Variants in CSPG4 observed in about 807,000 individuals in gnomAD.
CSPG4 encodes chondroitin sulfate proteoglycan 4.
CSPG4 carries 74 observed loss-of-function variants against 139.3 expected under a neutral mutation model. The ratio of observed to expected loss-of-function variants is 0.53; its 90% CI spans 0.44 to 0.64. CSPG4 has a LOEUF of 0.64. Ranked by LOEUF, CSPG4 falls within the 30% of genes least tolerant of loss-of-function variation. The pLI is 0.00. For synonymous variants in CSPG4, 1,234 were observed against 1,394.2 expected, an observed-to-expected ratio of 0.89 and a Z score of 2.56; for missense variants, 2,565 against 3,148.3, an observed-to-expected ratio of 0.81 and a Z score of 4.43.
Position 75,693,055 on chromosome 15 carries a change from G to A in CSPG4, c.252+15C>T. On this transcript the variant is annotated intron_variant, in intron 2 of 9. Transcript: ENST00000308508. ...ACCCCGAATCCCGCCCAGATCTCAG[G>A]GGGACGTCACTCACCTGCAGGCGTC... 7.7e-7 allele frequency: 1 copy of A among 1,306,906 alleles called. No homozygotes were observed. The allele number at this position is 1,306,906 out of a possible 1,614,324, so 81.0% of individuals were successfully genotyped here. A position where few individuals can be genotyped will look rare whatever the true frequency, so the allele number is the denominator to read the frequency against.
At position 75,677,172 on chromosome 15, in the gene CSPG4, G is replaced by A; in HGVS notation, c.5347C>T (p.Gln1783Ter). 1 of 1,434,136 alleles carries A rather than the reference G, an allele frequency of 7.0e-7. No individual in the cohort carries two copies. Among genetic ancestry groups the A allele is most frequent in the Non-Finnish European group, 9.2e-7 (1 of 1,091,232 alleles). The allele number at this position is 1,434,136 out of a possible 1,614,324, so 88.8% of individuals were successfully genotyped here. A position where few individuals can be genotyped will look rare whatever the true frequency, so the allele number is the denominator to read the frequency against. ...HFLQSQLAAG[Q>*]LVYAHGGGGT... ...CCACCGCCGTGGGCATACACTAGCT[G>A]CCCTGCAGCCAGCTGGGACTGCAGG... The change falls in exon 10 of 10, where the codon CAG (glutamine) becomes TAG (stop). Residue 1783 changes from glutamine to a stop codon, truncating the protein, a stop_gained. Coordinates refer to ENST00000308508, the MANE Select transcript of CSPG4 (RefSeq NM_001897.5). LOFTEE classifies it low-confidence loss of function (END_TRUNC).
Position 75,688,685 on chromosome 15 carries a change from T to C in CSPG4, c.2380A>G (p.Thr794Ala), listed in dbSNP as rs763549631. The change falls in exon 3 of 10, where the codon ACT becomes GCT. Residue 794 changes from threonine (T) to alanine (A), a missense_variant. Thr to Ala is a moderately conservative substitution (Grantham distance 58). This residue lies in a region of CSPG4 where 2,316 missense variants were observed against 2,818.2 expected (regional missense o/e 0.82). Transcript: ENST00000308508. Reference sequence around the variant, plus strand: ...AGGGTCTCCTGCTGGGTGTTCTGAGTGTGCAGTGGCTCCAGCCGCAGCATC... The same window carrying C: ...AGGGTCTCCTGCTGGGTGTTCTGAGCGTGCAGTGGCTCCAGCCGCAGCATC... Reference protein sequence around the residue: ...VWMLRLEPLHTQNTQQETLTT... With the variant: ...VWMLRLEPLHAQNTQQETLTT... 4.3e-6 allele frequency: 7 copies of C among 1,611,118 alleles called. No homozygotes were observed. The highest frequency in any genetic ancestry group is 4.5e-5 in the East Asian group (2 of 44,854).
At position 75,689,425 on chromosome 15, in the gene CSPG4, T is replaced by C; in HGVS notation, c.1640A>G (p.Asn547Ser). Reference protein sequence around the residue: ...GQTYLLPIQVNPVNDPPHIIF... With the variant: ...GQTYLLPIQVSPVNDPPHIIF... ...GATGTGGGGTGGGTCATTGACAGGG[T>C]TGACCTGGATGGGCAGGAGGTATGT... is the stretch of plus-strand genomic sequence containing the variant. The change falls in exon 3 of 10, where the codon AAC (asparagine) becomes AGC (serine). Residue 547 changes from asparagine to serine, a missense_variant. Physicochemically the swap from Asn to Ser is conservative, Grantham distance 46. Around this residue, in one of 5 missense-constraint regions of CSPG4, gnomAD observed 2,316 missense variants for 2,818.2 expected, o/e 0.82. Coordinates refer to ENST00000308508, the MANE Select transcript of CSPG4 (RefSeq NM_001897.5). The C allele has an allele frequency of 1.2e-6, 2 of 1,612,632 alleles. No individual in the cohort carries two copies. Among genetic ancestry groups the C allele is most frequent in the Non-Finnish European group, 1.7e-6 (2 of 1,179,814 alleles).
In CSPG4 at chr15:75,687,168, C is replaced by T. The variant is rs1460425567; in HGVS notation, c.3789+108G>A. ...TCTGAGGCACGTGCACACATGTAAC[C>T]TGGAGCCACCACAGCCACAGCCCAA... On this transcript the variant is annotated intron_variant, in intron 3 of 9. Coordinates refer to ENST00000308508, the MANE Select transcript of CSPG4 (RefSeq NM_001897.5). The surrounding 1 kb of genome is among the most constrained non-coding windows in gnomAD (Gnocchi z 5.4). 1 of 1,354,578 alleles carries T rather than the reference C, an allele frequency of 7.4e-7. No homozygotes were observed. Among genetic ancestry groups the T allele is most frequent in the Non-Finnish European group, 1.0e-6 (1 of 965,898 alleles). 83.9% of individuals were successfully genotyped at this position (1,354,578 alleles called of 1,614,324 possible). A position where few individuals can be genotyped will look rare whatever the true frequency, so the allele number is the denominator to read the frequency against.
intron 1 of CSPG4, among the ~76,000 whole-genome samples, chr15:75,695,312 A>G (rs1894211473): frequency 6.6e-6 from 1 of 152,202 alleles, no homozygotes; most frequent in African/African-American, 2.4e-5. Context: ...ACCTGCCTGC[A>G]GCCCCCTCCC....
chr15:75,687,589 C>G lies in CSPG4; in HGVS notation c.3476G>C (p.Arg1159Pro). 1 of 1,610,568 alleles carries G rather than the reference C, an allele frequency of 6.2e-7. No individual in the cohort carries two copies. The highest frequency in any genetic ancestry group is 8.5e-7 in the Non-Finnish European group (1 of 1,178,434). ...GTGGTAGTGGACCTCATCCCCACTG[C>G]GGATGTCGAGGTTGGTGTCCAGGTG... ...VLHLDTNLDI[R>P]SGDEVHYHVT... is the part of the protein sequence containing the mutation. Residue 1159 changes from arginine (R) to proline (P), a missense_variant, in exon 3 of 10, where the codon CGC (arginine) becomes CCC (proline). Transcript: ENST00000308508. The surrounding 1 kb of genome is among the most constrained non-coding windows in gnomAD (Gnocchi z 5.4).
chr15:75,682,160 G>T, intron 8 of CSPG4, 133 bp downstream of exon 8: 1 of 1,185,834 alleles, frequency 8.4e-7, no homozygotes. Context: ...CTAGCGCCTG[G>T]ACAATGGCAG....
chr15:75,696,250 A>C lies in CSPG4; in HGVS notation c.89-3017T>G, dbSNP rs1270008041. Among the ~76,000 whole-genome samples the C allele has an allele frequency of 1.3e-5, 2 of 151,960 alleles. No homozygotes were observed. The highest frequency in any genetic ancestry group is 1.3e-4 in the Admixed American group (2 of 15,266). ...TCCCTGATCTAGGAGTTTGCTGTCC[A>C]TATGGATGTGGGGAAGGTTAATGGC... On this transcript the variant is annotated intron_variant, in intron 1 of 9. Transcript: ENST00000308508. The surrounding 1 kb of genome is among the most constrained non-coding windows in gnomAD (Gnocchi z 4.2).
intron 2 of CSPG4, among the ~76,000 whole-genome samples, chr15:75,692,570 T>G (rs187444983): frequency 9.7e-4 from 148 of 152,342 alleles, no homozygotes; most frequent in African/African-American, 3.3e-3. Flanking sequence ...GTACTGGTGC[T>G]GTTACTGTCG....
chr15:75,701,862 C>T (rs1010525589), intron 1 of CSPG4, among the ~76,000 whole-genome samples: 4 of 152,208 alleles, frequency 2.6e-5, no homozygotes, highest in Admixed American at 6.5e-5. Flanking sequence ...CCACCTGTTG[C>T]TGAGTAGACA....
In CSPG4 at chr15:75,675,158, G is replaced by C. The variant is rs951795776; in HGVS notation, c.*392C>G. On this transcript the variant is annotated 3_prime_UTR_variant, in exon 10 of 10. Transcript: ENST00000308508. Reference sequence around the variant, plus strand: ...TTCCTCTGTCCCTTCCCTCCCCAGGGTACTTCCTTCTCCTTGCCCTCTTAG... The same window carrying C: ...TTCCTCTGTCCCTTCCCTCCCCAGGCTACTTCCTTCTCCTTGCCCTCTTAG... 2 of 303,426 alleles carry C rather than the reference G, an allele frequency of 6.6e-6. No homozygotes were observed. Among genetic ancestry groups the C allele is most frequent in the Non-Finnish European group, 1.2e-5 (2 of 166,178 alleles). 18.8% of individuals were successfully genotyped at this position (303,426 alleles called of 1,614,324 possible).
At position 75,676,189 on chromosome 15, in the gene CSPG4, C is replaced by T. The variant is rs1389847692; in HGVS notation, c.6330G>A (p.Val2110=). Residue 2110 remains valine (V), a synonymous_variant, in exon 10 of 10, where the codon GTG becomes GTA. Coordinates refer to ENST00000308508, the MANE Select transcript of CSPG4 (RefSeq NM_001897.5). The stretch of plus-strand genomic sequence containing the variant: ...CAAGGTCCTGCTGAGTGAACTGCTC[C>T]ACCAGCTGGCTGCCCCCGGGCTCCG... The part of the protein sequence containing the change: ...ARTEPGGSQL[V]EQFTQQDLED... 6.4e-7 allele frequency: 1 copy of T among 1,550,852 alleles called. No individual in the cohort carries two copies. Among genetic ancestry groups the T allele is most frequent in the South Asian group, 1.2e-5 (1 of 85,656 alleles).
intron 2 of CSPG4, among the ~76,000 whole-genome samples, chr15:75,692,280 G>A (rs769610448): frequency 2.0e-5 from 3 of 152,118 alleles, no homozygotes; most frequent in Non-Finnish European, 2.9e-5. Flanking sequence ...CACCGCGTCC[G>A]GTTATTTTTT....
rs1435791969 is a variant in CSPG4 at position 75,674,571 on chromosome 15, C to T, written c.*979G>A. The stretch of plus-strand genomic sequence containing the variant: ...CCCCAGGGGCCCTCTGTATGCAAGC[C>T]GACGCAGACAAGGGCCCAGTGCATA... On this transcript the variant is annotated 3_prime_UTR_variant, in exon 10 of 10. Transcript: ENST00000308508. 3 of 394,618 alleles carry T rather than the reference C, an allele frequency of 7.6e-6. No individual in the cohort carries two copies. The highest frequency in any genetic ancestry group is 2.1e-5 in the African/African-American group (1 of 48,450). 24.4% of individuals were successfully genotyped at this position (394,618 alleles called of 1,614,324 possible).
At chr15:75,702,134 C>T (rs1253159146) in intron 1 of CSPG4, among the ~76,000 whole-genome samples, 1 of 152,250 alleles carries the variant, frequency 6.6e-6, no homozygotes, top group Non-Finnish European at 1.5e-5. Flanking sequence ...GCTCCCATTG[C>T]CCCAGGGTCA....
At chr15:75,691,680 G>A (rs1001472486) in intron 2 of CSPG4, among the ~76,000 whole-genome samples, 9 of 152,142 alleles carry the variant, frequency 5.9e-5, no homozygotes, top group African/African-American at 2.2e-4. Context: ...GAGATCTTGG[G>A]GAGAGATGAA....
At position 75,687,242 on chromosome 15, in the gene CSPG4, C is replaced by G. The variant is rs919458222; in HGVS notation, c.3789+34G>C. ...GGCTGGGAGAAGGCCCTCTACCTGG[C>G]CCACACCCCTGCTCACCACCTCCAA... is the stretch of plus-strand genomic sequence containing the variant. On this transcript the variant is annotated intron_variant, in intron 3 of 9. Coordinates refer to ENST00000308508, the MANE Select transcript of CSPG4 (RefSeq NM_001897.5). The surrounding 1 kb of genome is among the most constrained non-coding windows in gnomAD (Gnocchi z 5.4). 7 of 1,606,536 alleles carry G rather than the reference C, an allele frequency of 4.4e-6. No homozygotes were observed. The African/African-American group carries it at 5.3e-5, about 12-fold the overall frequency.
chr15:75,712,294 C>T (rs536331430), intron 1 of CSPG4, among the ~76,000 whole-genome samples: 9 of 152,026 alleles, frequency 5.9e-5, no homozygotes, highest in Admixed American at 3.3e-4. Flanking sequence ...GTCGCCGGGT[C>T]CCTTTGGACC....
In CSPG4 at chr15:75,676,851, G is replaced by T; in HGVS notation, c.5668C>A (p.Pro1890Thr). ...TCGGCTTGCGTGAAGCGGGTCACGG[G>T]CCCCAGGCCACCACCCACCAGGCTG... Reference protein sequence around the residue: ...FLSLVGGGLGPVTRFTQADVD... With the variant: ...FLSLVGGGLGTVTRFTQADVD... Residue 1890 changes from proline (P) to threonine (T), a missense_variant, in exon 10 of 10, where the codon CCC becomes ACC. By Grantham distance (38) the Pro-to-Thr change is conservative (BLOSUM62 -1). This residue lies in a region of CSPG4 where 2,316 missense variants were observed against 2,818.2 expected (regional missense o/e 0.82). Coordinates refer to ENST00000308508, the MANE Select transcript of CSPG4 (RefSeq NM_001897.5). 6.4e-7 allele frequency: 1 copy of T among 1,566,546 alleles called. No homozygotes were observed.
Sources: gnomAD v4.1 joint callset for allele counts (sites outside exome capture counted in the v4.1 genomes callset) on GRCh38, gnomAD v4.1.1 for gene constraint, gnomAD v4.1.1 regional missense constraint, Gnocchi (gnomAD v3.1) non-coding constraint, MANE v1.5 for transcripts, NCBI Gene and HGNC (gene_info 2026-07-23, HGNC 2026-07-21) for gene names.